Variants in ZNF385D observed in about 807,000 individuals in gnomAD.
ZNF385D encodes zinc finger protein 385D, also known as zinc finger protein 659.
In ZNF385D, 15 loss-of-function variants were observed where a neutral mutation model predicts 35.8. That is an observed-to-expected ratio of 0.42 (90% CI 0.28 to 0.64). The LOEUF is 0.64. Among genes scored for constraint, ZNF385D ranks in the 30% least tolerant of loss-of-function variants. The probability of loss-of-function intolerance (pLI) is 0.23; values close to 1 mark genes in which losing one functional copy is unlikely to be tolerated. For missense variants in ZNF385D, 474 were observed against 494.6 expected, an observed-to-expected ratio of 0.96 and a Z score of 0.39; for synonymous variants, 212 against 186.8, an observed-to-expected ratio of 1.13 and a Z score of -1.10.
intron 1 of ZNF385D, among the ~76,000 whole-genome samples, chr3:21,729,727 G>T (rs962043933): frequency 6.6e-6 from 1 of 152,166 alleles, no homozygotes; most frequent in Non-Finnish European, 1.5e-5. Flanking sequence ...AAAAAAGAGA[G>T]AATACCTTAA....
chr3:21,765,512 A>T (rs66490054), intron 3 of ZNF385D, among the ~76,000 whole-genome samples: 6 of 152,192 alleles, frequency 3.9e-5, no homozygotes, highest in Admixed American at 3.9e-4. Context: ...TGAGACAATC[A>T]TGTTTGTTCT....
chr3:22,208,598 G>C (rs1350696704), intron 2 of ZNF385D, among the ~76,000 whole-genome samples: 3 of 151,568 alleles, frequency 2.0e-5, no homozygotes, highest in Non-Finnish European at 4.4e-5. Flanking sequence ...ATAAATGCTT[G>C]ATGTAATGAA....
intron 3 of ZNF385D, among the ~76,000 whole-genome samples, chr3:21,889,794 T>C (rs1012615461): frequency 6.6e-6 from 1 of 152,164 alleles, no homozygotes; most frequent in South Asian, 2.1e-4. Context: ...CTCACAGTTC[T>C]GGAGACCAGA....
intron 1 of ZNF385D, among the ~76,000 whole-genome samples, chr3:21,735,059 C>A (rs896403161): frequency 1.3e-5 from 2 of 152,088 alleles, no homozygotes; most frequent in Non-Finnish European, 2.9e-5. Flanking sequence ...CGGGAGGGAT[C>A]TTTGAATTCA....
chr3:21,750,476 G>T (rs1312852735), intron 1 of ZNF385D, among the ~76,000 whole-genome samples: 1 of 152,034 alleles, frequency 6.6e-6, no homozygotes, highest in Non-Finnish European at 1.5e-5. Context: ...AGAAAAACCA[G>T]CAAATACTGA....
At chr3:21,917,534 A>T (rs1700248583) in intron 3 of ZNF385D, among the ~76,000 whole-genome samples, 1 of 152,192 alleles carries the variant, frequency 6.6e-6, no homozygotes, top group African/African-American at 2.4e-5. Context: ...ATAGAGACCT[A>T]CTGGTCTCAT....
At chr3:21,618,528 A>C (rs1415391514) in intron 2 of ZNF385D, among the ~76,000 whole-genome samples, 3 of 152,184 alleles carry the variant, frequency 2.0e-5, no homozygotes, top group African/African-American at 7.2e-5. Flanking sequence ...AAATTCATAT[A>C]GTGCCCTATT....
At chr3:21,617,508 TTA>T (rs1209211480) in intron 2 of ZNF385D, among the ~76,000 whole-genome samples, 1 of 152,168 alleles carries the variant, frequency 6.6e-6, no homozygotes, top group Non-Finnish European at 1.5e-5. Flanking sequence ...CCCCAATGCT[TTA>T]TGTATGTTAG....
intron 3 of ZNF385D, among the ~76,000 whole-genome samples, chr3:22,010,696 TCG>T (rs1696516740): frequency 6.6e-6 from 1 of 152,186 alleles, no homozygotes; most frequent in African/African-American, 2.4e-5. Flanking sequence ...CAGACTCACC[TCG>T]CTCAGAGCCA....
intron 3 of ZNF385D, among the ~76,000 whole-genome samples, chr3:21,537,099 A>T (rs1054279631): frequency 6.6e-6 from 1 of 151,642 alleles, no homozygotes; most frequent in Non-Finnish European, 1.5e-5. Context: ...TGCAAAACAG[A>T]AATTCATGGT....
chr3:22,110,122 A>C (rs1328150444), intron 3 of ZNF385D, among the ~76,000 whole-genome samples: 1 of 152,126 alleles, frequency 6.6e-6, no homozygotes, highest in Non-Finnish European at 1.5e-5. Flanking sequence ...GGCAATCATT[A>C]AAAAGTCAGG....
rs925833723 is a variant in ZNF385D, at chr3:22,240,657, T to C, written c.107-71622A>G. 3.3e-5 allele frequency among the ~76,000 whole-genome samples: 5 copies of C among 151,006 alleles called. 1 individual carries two copies. The highest frequency in any genetic ancestry group is 9.8e-5 in the African/African-American group (4 of 40,792). ...TGAGGTTGCAGCAATTGACCCACAA[T>C]TGCTGCCCTCTTGATCCTCTTGCTT... On this transcript the variant is annotated intron_variant, in intron 2 of 5. Transcript: ENST00000494108.
intron 3 of ZNF385D, among the ~76,000 whole-genome samples, chr3:22,056,369 G>A (rs1699401264): frequency 6.7e-6 from 1 of 150,166 alleles, no homozygotes; most frequent in Admixed American, 6.7e-5. Flanking sequence ...TAAACCGTGT[G>A]TTAGTTTAGG....
At chr3:21,685,345 C>T (rs1352100647) in intron 1 of ZNF385D, among the ~76,000 whole-genome samples, 1 of 152,168 alleles carries the variant, frequency 6.6e-6, no homozygotes, top group African/African-American at 2.4e-5. Context: ...CACAAGCACA[C>T]TTTCAAAATA....
intron 3 of ZNF385D, among the ~76,000 whole-genome samples, chr3:21,560,523 C>T (rs1338944699): frequency 1.3e-5 from 2 of 152,168 alleles, no homozygotes; most frequent in Non-Finnish European, 2.9e-5. Context: ...GAAGCTTTGT[C>T]CCAGAGGGCT....
At chr3:21,442,658 A>C (rs1001160282) in intron 4 of ZNF385D, among the ~76,000 whole-genome samples, 9 of 140,658 alleles carry the variant, frequency 6.4e-5, no homozygotes, top group Non-Finnish European at 1.2e-4. Flanking sequence ...AAGTCCCTTT[A>C]TTTGTGGGCT....
chr3:21,694,536 G>C (rs141306998), intron 1 of ZNF385D, among the ~76,000 whole-genome samples: 86 of 152,212 alleles, frequency 5.7e-4, no homozygotes, highest in African/African-American at 2.0e-3. Context: ...GGGTACTCAG[G>C]GAAGATTCTT....
intron 3 of ZNF385D, among the ~76,000 whole-genome samples, chr3:21,991,385 C>G (rs1317021910): frequency 6.6e-6 from 1 of 152,124 alleles, no homozygotes; most frequent in Non-Finnish European, 1.5e-5. Context: ...CACCACAAAG[C>G]CGTGAATTTT....
chr3:21,882,955 T>C (rs1032497952), intron 3 of ZNF385D, among the ~76,000 whole-genome samples: 1 of 152,130 alleles, frequency 6.6e-6, no homozygotes, highest in East Asian at 1.9e-4. Context: ...GAATATTTAC[T>C]CTGGAGAATA....
Sources: allele counts gnomAD v4.1 joint callset (sites outside exome capture counted in the v4.1 genomes callset), GRCh38; gene constraint gnomAD v4.1.1; transcripts MANE v1.5; gene names NCBI Gene and HGNC (gene_info 2026-07-23, HGNC 2026-07-21).